RAB38: variants seen among roughly 807,000 people sequenced by gnomAD.
RAB38 encodes the protein RAB38, member RAS oncogene family, also known as ras-related protein Rab-38.
In RAB38, 15 loss-of-function variants were observed where a neutral mutation model predicts 18.4. The observed-to-expected ratio is 0.82, with a 90% CI of 0.55 to 1.26. The LOEUF (loss-of-function observed/expected upper bound fraction) is 1.26. Among genes scored for constraint, RAB38 ranks in the 50% most tolerant of loss-of-function variants. RAB38 has a pLI of 0.00. For missense variants in RAB38, 294 were observed against 267.4 expected (o/e 1.10, Z -0.69); for synonymous variants, 101 against 104.4 (o/e 0.97, Z 0.20).
At chr11:87,972,628 C>T in the RAB38 span, among the ~76,000 whole-genome samples, 8 of 152,194 alleles carry the variant, frequency 5.3e-5, no homozygotes, top group East Asian at 1.4e-3. Flanking sequence ...TTCCCCTAGT[C>T]AATCACTTTA....
At chr11:88,151,580 T>C (rs747571) in intron 1 of RAB38, among the ~76,000 whole-genome samples, 54,470 of 152,056 alleles carry the variant, frequency 0.36, 9,935 homozygotes, top group African/African-American at 0.42. Flanking sequence ...AAAGTTAGTG[T>C]GCATTTAACA....
the RAB38 span, among the ~76,000 whole-genome samples, chr11:87,829,846 T>A: frequency 6.7e-4 from 102 of 152,314 alleles, 1 homozygote; most frequent in Non-Finnish European, 2.5e-4. Context: ...AAATTTCAAC[T>A]TTACTAATAG....
the RAB38 span, among the ~76,000 whole-genome samples, chr11:88,070,239 G>A: frequency 2.6e-5 from 4 of 152,030 alleles, no homozygotes; most frequent in African/African-American, 9.7e-5. Flanking sequence ...TGGACGGGAG[G>A]AGTGAACAAC....
At chr11:87,914,337 T>C in the RAB38 span, among the ~76,000 whole-genome samples, 1 of 152,098 alleles carries the variant, frequency 6.6e-6, no homozygotes, top group South Asian at 2.1e-4. Flanking sequence ...AGGTCACCCT[T>C]GTTACATTGT....
chr11:88,040,842 T>C, the RAB38 span, among the ~76,000 whole-genome samples: 1 of 152,212 alleles, frequency 6.6e-6, no homozygotes, highest in Non-Finnish European at 1.5e-5. Context: ...CCTATAACAC[T>C]TGCCATGTTG....
chr11:87,931,172 G>T, the RAB38 span, among the ~76,000 whole-genome samples: 3 of 152,092 alleles, frequency 2.0e-5, no homozygotes, highest in East Asian at 3.9e-4. Context: ...CCATTTTCAC[G>T]ATATTGATTC....
the RAB38 span, among the ~76,000 whole-genome samples, chr11:87,898,843 C>T: frequency 6.6e-6 from 1 of 151,548 alleles, no homozygotes; most frequent in African/African-American, 2.4e-5. Flanking sequence ...GAACAGGTGC[C>T]AAAAATGTGT....
At chr11:88,013,450 T>G in the RAB38 span, among the ~76,000 whole-genome samples, 3 of 152,146 alleles carry the variant, frequency 2.0e-5, no homozygotes, top group Non-Finnish European at 4.4e-5. Context: ...TTTTGTTTTT[T>G]TTTGCCATTT....
the RAB38 span, among the ~76,000 whole-genome samples, chr11:87,873,949 T>TATATAC: frequency 1.7e-4 from 24 of 138,100 alleles, 1 homozygote; most frequent in South Asian, 4.5e-3. Context: ...TATATATATA[T>TATATAC]ACTCTGCATA....
At chr11:88,093,350 G>A in the RAB38 span, among the ~76,000 whole-genome samples, 1 of 151,832 alleles carries the variant, frequency 6.6e-6, no homozygotes, top group African/African-American at 2.4e-5. Flanking sequence ...ATTAATGCTT[G>A]CCAGACATTG....
At chr11:88,020,044 G>A in the RAB38 span, among the ~76,000 whole-genome samples, 5 of 152,150 alleles carry the variant, frequency 3.3e-5, no homozygotes, top group Non-Finnish European at 7.3e-5. Flanking sequence ...AGAGAGCAGA[G>A]GTAAATGAGT....
At chr11:88,018,263 A>T in the RAB38 span, among the ~76,000 whole-genome samples, 8 of 152,100 alleles carry the variant, frequency 5.3e-5, no homozygotes, top group Non-Finnish European at 7.4e-5. Context: ...ACCTGTTATT[A>T]TCAAAAGTCA....
At chr11:88,124,588 G>A (rs1341334637) in intron 2 of RAB38, among the ~76,000 whole-genome samples, 1 of 152,120 alleles carries the variant, frequency 6.6e-6, no homozygotes, top group Non-Finnish European at 1.5e-5. Context: ...CTCAACCATA[G>A]AACCTGTCGA....
the RAB38 span, chr11:87,816,539 T>A: frequency 6.6e-6 from 1 of 152,138 alleles, no homozygotes; most frequent in Non-Finnish European, 1.5e-5. Context: ...AATAATTGAA[T>A]ATGATCAGGT....
chr11:87,842,164 G>T, the RAB38 span, among the ~76,000 whole-genome samples: 1 of 152,060 alleles, frequency 6.6e-6, no homozygotes, highest in Non-Finnish European at 1.5e-5. Flanking sequence ...CTTAGAAAAA[G>T]AAAAGGAAAT....
the RAB38 span, among the ~76,000 whole-genome samples, chr11:87,837,140 T>C: frequency 6.6e-6 from 1 of 152,206 alleles, no homozygotes; most frequent in African/African-American, 2.4e-5. Context: ...TGGTAGTTAT[T>C]ACTATTTTGT....
chr11:88,086,265 A>G, the RAB38 span, among the ~76,000 whole-genome samples: 1 of 151,932 alleles, frequency 6.6e-6, no homozygotes, highest in African/African-American at 2.4e-5. Flanking sequence ...TTTCTATGCC[A>G]GTAAAATTGC....
At chr11:87,826,640 T>A in the RAB38 span, among the ~76,000 whole-genome samples, 10 of 152,194 alleles carry the variant, frequency 6.6e-5, no homozygotes, top group East Asian at 1.9e-3. Flanking sequence ...ATACATCATA[T>A]TATTTAGTTC....
At chr11:87,872,693 C>G in the RAB38 span, among the ~76,000 whole-genome samples, 1 of 151,478 alleles carries the variant, frequency 6.6e-6, no homozygotes, top group Non-Finnish European at 1.5e-5. Context: ...TCTTTTATTT[C>G]ATTTTACTTA....
Sources: gnomAD v4.1 joint callset for allele counts (sites outside exome capture counted in the v4.1 genomes callset) on GRCh38, gnomAD v4.1.1 for gene constraint, MANE v1.5 for transcripts, NCBI Gene and HGNC (gene_info 2026-07-23, HGNC 2026-07-21) for gene names.